DNAH8: variants seen among roughly 807,000 people sequenced by gnomAD.
DNAH8 encodes the protein axonemal beta dynein heavy chain 8.
DNAH8 carries 382 observed loss-of-function variants against 562.1 expected under a neutral mutation model. The ratio of observed to expected loss-of-function variants is 0.68; its 90% CI spans 0.63 to 0.74. The LOEUF is 0.74. DNAH8 is among the 30% of genes least tolerant of loss of function. The probability of loss-of-function intolerance (pLI) is 0.00; values close to 1 mark genes in which losing one functional copy is unlikely to be tolerated. For synonymous variants in DNAH8, 1,881 were observed against 1,919.4 expected, an observed-to-expected ratio of 0.98 and a Z score of 0.52; for missense variants, 5,203 against 5,620.4, an observed-to-expected ratio of 0.93 and a Z score of 2.37.
chr6:38,901,660 C>T (rs1271732309), intron 62 of DNAH8, among the ~76,000 whole-genome samples: 1 of 152,040 alleles, frequency 6.6e-6, no homozygotes, highest in African/African-American at 2.4e-5. Context: ...ACGTCTTGTC[C>T]ATTTGGCCTT....
intron 35 of DNAH8, among the ~76,000 whole-genome samples, chr6:38,845,191 A>G (rs953034316): frequency 6.6e-6 from 1 of 152,210 alleles, no homozygotes; most frequent in Non-Finnish European, 1.5e-5. Flanking sequence ...ATGTTACTTG[A>G]AAGAGTTCAA....
intron 42 of DNAH8, among the ~76,000 whole-genome samples, chr6:38,858,559 G>A (rs4501424): frequency 0.42 from 64,114 of 151,966 alleles, 14,162 homozygotes; most frequent in East Asian, 0.69. Context: ...CAGTGCTTTG[G>A]TATCACCTGG....
chr6:38,815,614 C>G lies in DNAH8; in HGVS notation c.3480C>G (p.Asp1160Glu). 3 of 1,613,730 alleles carry G rather than the reference C, an allele frequency of 1.9e-6. No homozygotes were observed. The highest frequency in any genetic ancestry group is 2.5e-6 in the Non-Finnish European group (3 of 1,179,846). ...KSVIPSPTTT[D>E]VTHQNTGKLL... Reference sequence around the variant, plus strand: ...TCATTCCCAGCCCCACCACTACTGACGTGACCCATCAAAACACAGGAAAAC... The same window carrying G: ...TCATTCCCAGCCCCACCACTACTGAGGTGACCCATCAAAACACAGGAAAAC... The change falls in exon 26 of 93, where the codon GAC (aspartate) becomes GAG (glutamate). Residue 1160 changes from aspartate (D) to glutamate (E), a missense_variant. By Grantham distance (45) the Asp-to-Glu change is conservative (BLOSUM62 2). Transcript: ENST00000327475.
chr6:38,727,330 A>G (rs908037951), intron 3 of DNAH8, among the ~76,000 whole-genome samples: 1 of 152,172 alleles, frequency 6.6e-6, no homozygotes, highest in Non-Finnish European at 1.5e-5. Flanking sequence ...GCTGAACTCT[A>G]TGGAATCTAT....
intron 33 of DNAH8, among the ~76,000 whole-genome samples, 179 bp downstream of exon 33, chr6:38,838,221 GA>G (rs1774460816): frequency 6.6e-6 from 1 of 152,152 alleles, no homozygotes; most frequent in Admixed American, 6.6e-5. Flanking sequence ...CTATACAAAA[GA>G]AACGTTCTAG....
At chr6:38,828,125 A>G (rs1205181651) in intron 29 of DNAH8, 59 bp from the exon 30 acceptor site, 3 of 1,094,996 alleles carry the variant, frequency 2.7e-6, no homozygotes, top group Non-Finnish European at 4.1e-6. Context: ...GAAGGCGTCT[A>G]AATCATTTGG....
chr6:38,728,002 G>C (rs1294394679), intron 3 of DNAH8, among the ~76,000 whole-genome samples: 1 of 152,018 alleles, frequency 6.6e-6, no homozygotes, highest in African/African-American at 2.4e-5. Flanking sequence ...CTGTCGCTCT[G>C]TTGCCCAGTC....
chr6:38,799,815 A>G (rs2127670511), intron 21 of DNAH8, among the ~76,000 whole-genome samples: 1 of 152,328 alleles, frequency 6.6e-6, no homozygotes. Flanking sequence ...CTGCTTCTAT[A>G]GACATGCCTA....
At chr6:38,918,165 G>A in intron 70 of DNAH8, 25 bp downstream of exon 70, 1 of 1,510,274 alleles carries the variant, frequency 6.6e-7, no homozygotes, top group African/African-American at 1.4e-5. Context: ...CCTTCTCCCA[G>A]TAAATCAATA....
At chr6:38,829,616 G>T (rs1773661627) in intron 30 of DNAH8, among the ~76,000 whole-genome samples, 1 of 152,072 alleles carries the variant, frequency 6.6e-6, no homozygotes, top group African/African-American at 2.4e-5. Context: ...AAATTGTCTT[G>T]GTAGCCTTGC....
At chr6:38,782,673 C>T (rs1768750713) in intron 16 of DNAH8, among the ~76,000 whole-genome samples, 2 of 152,200 alleles carry the variant, frequency 1.3e-5, no homozygotes, top group African/African-American at 4.8e-5. Flanking sequence ...GTTCAAGGAA[C>T]ATCAGTCAAT....
At chr6:38,771,985 G>C (rs1444385935) in intron 12 of DNAH8, among the ~76,000 whole-genome samples, 1 of 150,848 alleles carries the variant, frequency 6.6e-6, no homozygotes, top group East Asian at 1.9e-4. Flanking sequence ...CAAAGTAGCT[G>C]CATCATTTTG....
intron 30 of DNAH8, 69 bp downstream of exon 30, chr6:38,828,357 C>G (rs1383459933): frequency 5.3e-6 from 5 of 945,540 alleles, no homozygotes; most frequent in Non-Finnish European, 7.9e-6. Context: ...GTATTTTATA[C>G]CTTTTTAAAG....
At position 39,030,591 on chromosome 6, in the gene DNAH8, GTTTTTTATTCTGGGAAATCATA is replaced by G. The variant is rs1357749820; in HGVS notation, c.*203_*224del. 5.8e-6 allele frequency: 3 copies of G among 514,692 alleles called. No individual in the cohort carries two copies. The highest frequency in any genetic ancestry group is 5.8e-5 in the African/African-American group (3 of 51,796). The allele number at this position is 514,692 out of a possible 1,614,324, so 31.9% of individuals were successfully genotyped here. A position where few individuals can be genotyped will look rare whatever the true frequency, so the allele number is the denominator to read the frequency against. On this transcript the variant is annotated 3_prime_UTR_variant, in exon 93 of 93. Coordinates refer to ENST00000327475, the MANE Select transcript of DNAH8 (RefSeq NM_001206927.2). ...TTCAAAAAGATAACTCTAAATGAATGTTTTTTATTCTGGGAAATCATATTTCACTATAATTACTTTTTAAAGA... is the reference window on the plus strand; with the variant it reads ...TTCAAAAAGATAACTCTAAATGAATGTTTCACTATAATTACTTTTTAAAGA...
intron 1 of DNAH8, among the ~76,000 whole-genome samples, chr6:38,719,570 T>TA (rs1436855776): frequency 3.9e-5 from 6 of 152,210 alleles, no homozygotes; most frequent in Non-Finnish European, 7.3e-5. Context: ...GTGTTTTTTT[T>TA]ATGGCTGCAT....
intron 85 of DNAH8, among the ~76,000 whole-genome samples, chr6:38,981,967 T>C (rs1764066914): frequency 6.6e-6 from 1 of 152,228 alleles, no homozygotes; most frequent in Non-Finnish European, 1.5e-5. Context: ...TTTTCTGTGT[T>C]TAGATGTGTC....
chr6:38,814,089 C>T lies in DNAH8; in HGVS notation c.3293C>T (p.Ser1098Phe), dbSNP rs553578959. The change falls in exon 25 of 93, where the codon TCC becomes TTC. Residue 1098 changes from serine to phenylalanine, a missense_variant. Around this residue, in one of 6 missense-constraint regions of DNAH8, gnomAD observed 2,176 missense variants for 2,365.1 expected, o/e 0.92. Coordinates refer to ENST00000327475, the MANE Select transcript of DNAH8 (RefSeq NM_001206927.2). ...CGAAAGCAGTCAGAAGATATTATTT[C>T]CTTTATAAAAAGTGAAGTACATCTT... ...YGRKQSEDII[S>F]FIKSEVHLAI... The T allele has an allele frequency of 3.8e-6, 6 of 1,591,998 alleles. No individual in the cohort carries two copies. The highest frequency in any genetic ancestry group is 1.1e-5 in the South Asian group (1 of 89,844).
intron 3 of DNAH8, among the ~76,000 whole-genome samples, chr6:38,727,499 C>A (rs902347670): frequency 3.3e-5 from 5 of 152,234 alleles, no homozygotes; most frequent in African/African-American, 1.2e-4. Flanking sequence ...CAGCCTGCAT[C>A]TCCAGTTCTC....
chr6:38,764,202 C>G (rs1354855798), intron 11 of DNAH8: 1 of 153,622 alleles, frequency 6.5e-6, no homozygotes, highest in Non-Finnish European at 1.5e-5. Context: ...CCAATTAGAA[C>G]AGAGAAAGAG....
Sources: gnomAD v4.1 joint callset for allele counts (sites outside exome capture counted in the v4.1 genomes callset) on GRCh38, gnomAD v4.1.1 for gene constraint, gnomAD v4.1.1 regional missense constraint, MANE v1.5 for transcripts, NCBI Gene and HGNC (gene_info 2026-07-23, HGNC 2026-07-21) for gene names.